The following FAAH2 variants were observed in gnomAD, a reference collection of about 807,000 sequenced individuals.
FAAH2 encodes fatty-acid amide hydrolase 2.
Under a neutral mutation model 36.9 loss-of-function variants are expected in FAAH2, and 60 were observed. The ratio of observed to expected loss-of-function variants is 1.63; its 90% CI spans 1.32 to 2.02. The LOEUF is 2.02. Among genes scored for constraint, FAAH2 ranks in the 30% most tolerant of loss-of-function variants. The pLI is 0.00. For synonymous variants in FAAH2, 214 were observed against 143.8 expected (o/e 1.49, Z -3.49); for missense variants, 689 against 397.5 (o/e 1.73, Z -6.23).
chrX:57,299,592 G>T (rs1231068933), intron 2 of FAAH2, among the ~76,000 whole-genome samples: 2 of 112,036 alleles, frequency 1.8e-5, no homozygotes, highest in Non-Finnish European at 3.8e-5. Context: ...CATAGTGTTG[G>T]AAGTTCTGTC....
chrX:57,320,249 A>G (rs1357253595), intron 3 of FAAH2, among the ~76,000 whole-genome samples: 1 of 112,079 alleles, frequency 8.9e-6, no homozygotes, highest in Non-Finnish European at 1.9e-5. Flanking sequence ...AGAATGGGAG[A>G]ACATTTTTGT....
the FAAH2 span, among the ~76,000 whole-genome samples, chrX:57,181,766 G>C: frequency 2.7e-5 from 3 of 111,831 alleles, no homozygotes; most frequent in African/African-American, 9.7e-5. Context: ...AGCCTGAATA[G>C]CCAAGGCAAT....
At chrX:57,269,354 T>C in the FAAH2 span, among the ~76,000 whole-genome samples, 2 of 111,377 alleles carry the variant, frequency 1.8e-5, no homozygotes, top group African/African-American at 6.5e-5. Flanking sequence ...TGACCTGAAC[T>C]CAGCACTGGA....
chrX:57,183,322 C>T, the FAAH2 span, among the ~76,000 whole-genome samples: 1 of 111,422 alleles, frequency 9.0e-6, no homozygotes, highest in Non-Finnish European at 1.9e-5. Flanking sequence ...GGAAGTTAGT[C>T]ATAATGTGCA....
Position 57,324,112 on chromosome X carries a change from G to T in FAAH2, c.413-7486G>T, listed in dbSNP as rs777532093. Reference sequence around the variant, plus strand: ...TTAAATAGGGAATCCTTTCCCCATTGCTTGTTTTTGTCAGGTTTGTCAAAG... The same window carrying T: ...TTAAATAGGGAATCCTTTCCCCATTTCTTGTTTTTGTCAGGTTTGTCAAAG... On this transcript the variant is annotated intron_variant, in intron 3 of 10. Coordinates refer to ENST00000374900, the MANE Select transcript of FAAH2 (RefSeq NM_174912.4). Among the ~76,000 whole-genome samples, 17 of 111,730 alleles carry T rather than the reference G, an allele frequency of 1.5e-4. No individual in the cohort carries two copies. The East Asian group carries it at 1.7e-3, about 11-fold the overall frequency.
chrX:57,386,463 G>A (rs2055026374), intron 7 of FAAH2, among the ~76,000 whole-genome samples: 1 of 111,529 alleles, frequency 9.0e-6, no homozygotes, highest in Admixed American at 9.6e-5. Flanking sequence ...CGAGCTGGAG[G>A]ATAAATGCAA....
chrX:57,199,702 T>G, the FAAH2 span, among the ~76,000 whole-genome samples: 1 of 111,677 alleles, frequency 9.0e-6, no homozygotes, highest in African/African-American at 3.3e-5. Context: ...GCTATTATTG[T>G]GTTGTAATCT....
intron 5 of FAAH2, among the ~76,000 whole-genome samples, chrX:57,377,362 A>G (rs1218554754): frequency 8.9e-6 from 1 of 112,259 alleles, no homozygotes; most frequent in African/African-American, 3.2e-5. Flanking sequence ...TTTTCCACAT[A>G]TGGCTAGCCA....
chrX:57,440,988 C>T (rs932600634), intron 8 of FAAH2, among the ~76,000 whole-genome samples: 1 of 111,381 alleles, frequency 9.0e-6, no homozygotes, highest in Non-Finnish European at 1.9e-5. Flanking sequence ...TTGATGTGCT[C>T]CTGGATTCAG....
intron 2 of FAAH2, 47 bp downstream of exon 2, chrX:57,292,627 TCTA>T: frequency 9.4e-7 from 1 of 1,065,936 alleles, no homozygotes. Flanking sequence ...TGGTTTTTGT[TCTA>T]CTTCTGTGGT....
intron 7 of FAAH2, among the ~76,000 whole-genome samples, chrX:57,413,723 A>G (rs1379877253): frequency 8.9e-6 from 1 of 111,836 alleles, no homozygotes; most frequent in Non-Finnish European, 1.9e-5. Context: ...TATAAAATTT[A>G]AAATATTTTC....
chrX:57,471,668 C>A (rs1281135602), intron 10 of FAAH2, among the ~76,000 whole-genome samples: 1 of 111,560 alleles, frequency 9.0e-6, no homozygotes, highest in Non-Finnish European at 1.9e-5. Flanking sequence ...CCATACTGCC[C>A]AAGGTAATTT....
At chrX:57,380,820 C>A in intron 6 of FAAH2, 92 bp from the exon 7 acceptor site, 1 of 527,886 alleles carries the variant, frequency 1.9e-6, no homozygotes, top group South Asian at 4.2e-5. Flanking sequence ...GAAAAAAATA[C>A]TTCATTAGAG....
At chrX:57,313,400 T>C (rs1216552563) in intron 3 of FAAH2, among the ~76,000 whole-genome samples, 1 of 109,148 alleles carries the variant, frequency 9.2e-6, no homozygotes, top group African/African-American at 3.3e-5. Context: ...GGTGGCCACA[T>C]ACTATATAAG....
chrX:57,424,997 A>C (rs919235638), intron 7 of FAAH2, among the ~76,000 whole-genome samples: 5 of 110,974 alleles, frequency 4.5e-5, no homozygotes, highest in Non-Finnish European at 9.5e-5. Flanking sequence ...AAATCAATTA[A>C]GGATATAAGT....
the FAAH2 span, among the ~76,000 whole-genome samples, chrX:57,260,049 G>A: frequency 1.8e-5 from 2 of 111,570 alleles, no homozygotes; most frequent in South Asian, 7.3e-4. Context: ...ATAAATATAT[G>A]TAGTGTAATA....
At chrX:57,455,084 C>T (rs2056844821) in intron 10 of FAAH2, among the ~76,000 whole-genome samples, 2 of 111,609 alleles carry the variant, frequency 1.8e-5, no homozygotes, top group South Asian at 3.8e-4. Flanking sequence ...TAAACCCCAC[C>T]AGACTCTCTG....
the FAAH2 span, among the ~76,000 whole-genome samples, chrX:57,216,502 GTATA>G: frequency 9.6e-5 from 5 of 52,233 alleles, no homozygotes; most frequent in African/African-American, 3.8e-4. Flanking sequence ...ATACGTATAT[GTATA>G]TATATATATA....
At chrX:57,123,872 T>A in the FAAH2 span, among the ~76,000 whole-genome samples, 1 of 112,183 alleles carries the variant, frequency 8.9e-6, no homozygotes, top group Non-Finnish European at 1.9e-5. Flanking sequence ...CTTGTAAATT[T>A]GTTTGAGTTC....
Sources: allele counts gnomAD v4.1 joint callset (sites outside exome capture counted in the v4.1 genomes callset), GRCh38; gene constraint gnomAD v4.1.1; transcripts MANE v1.5; gene names NCBI Gene and HGNC (gene_info 2026-07-23, HGNC 2026-07-21).